Variants in POLRMT observed in about 807,000 individuals in gnomAD.
The protein encoded by POLRMT is DNA-directed RNA polymerase, mitochondrial.
Under a neutral mutation model 132.2 loss-of-function variants are expected in POLRMT, and 114 were observed. The ratio of observed to expected loss-of-function variants is 0.86; its 90% CI spans 0.74 to 1.01. The LOEUF (loss-of-function observed/expected upper bound fraction) is 1.01. Among genes scored for constraint, POLRMT ranks in the 50% least tolerant of loss-of-function variants. The pLI, the probability that POLRMT is intolerant of heterozygous loss-of-function variation, is 0.00. For synonymous variants in POLRMT, 1,020 were observed against 773.4 expected (o/e 1.32, Z -5.29); for missense variants, 2,003 against 1,729.1 (o/e 1.16, Z -2.81).
At chr19:623,630 G>C (rs1984806575) in intron 5 of POLRMT, 27 bp from the exon 6 acceptor site, 3 of 1,607,146 alleles carry the variant, frequency 1.9e-6, no homozygotes, top group Non-Finnish European at 2.6e-6. Flanking sequence ...AGTGAGGTTG[G>C]GGGCTTGCCA....
chr19:624,251 G>A (rs1984854591), intron 5 of POLRMT, among the ~76,000 whole-genome samples: 1 of 152,152 alleles, frequency 6.6e-6, no homozygotes. Context: ...TCTATGGAAT[G>A]TCCAGAGCAG....
intron 2 of POLRMT, among the ~76,000 whole-genome samples, chr19:631,117 C>T (rs1961348314): frequency 6.6e-6 from 1 of 151,750 alleles, no homozygotes; most frequent in Non-Finnish European, 1.5e-5. Context: ...CAAGATAGCG[C>T]CATTGAACTC....
Position 620,920 on chromosome 19 carries a change from GGC to G in POLRMT, c.2640+136_2640+137del. ...GGAGGGGGAGGGGAGGAGGAAGACG[GGC>G]AGGGGGCGCCAGGGGAGGGGGAGGG... On this transcript the variant is annotated intron_variant, in intron 10 of 20. Coordinates refer to ENST00000588649, the MANE Select transcript of POLRMT (RefSeq NM_005035.4). The G allele has an allele frequency of 6.2e-5, 9 of 144,618 alleles. 2 individuals are homozygous for G. Among genetic ancestry groups the G allele is most frequent in the South Asian group, 5.9e-4 (3 of 5,072 alleles). 9.0% of individuals were successfully genotyped at this position (144,618 alleles called of 1,614,324 possible). A position where few individuals can be genotyped will look rare whatever the true frequency, so the allele number is the denominator to read the frequency against.
At chr19:620,823 G>T (rs1317905586) in intron 10 of POLRMT, among the ~76,000 whole-genome samples, 1 of 117,498 alleles carries the variant, frequency 8.5e-6, no homozygotes, top group African/African-American at 3.4e-5. Flanking sequence ...CCTGGGGCAG[G>T]GGAGAAGGGA....
intron 3 of POLRMT, among the ~76,000 whole-genome samples, chr19:626,849 T>C (rs1985052378): frequency 6.7e-6 from 1 of 149,408 alleles, no homozygotes; most frequent in Non-Finnish European, 1.5e-5. Flanking sequence ...GACAGAAACT[T>C]TGCTGTCGAC....
At chr19:619,906 G>A in intron 12 of POLRMT, 52 bp downstream of exon 12, 4 of 1,597,082 alleles carry the variant, frequency 2.5e-6, no homozygotes, top group Middle Eastern at 2.2e-4. Flanking sequence ...GAGACTCAGG[G>A]CTCACATTGC....
chr19:633,189 A>C (rs1374419144), intron 1 of POLRMT: 4 of 603,592 alleles, frequency 6.6e-6, no homozygotes, highest in Non-Finnish European at 8.1e-6. Context: ...TAAGAGCCCT[A>C]AACACCACAC....
Position 617,237 on chromosome 19 carries a change from A to G in POLRMT, c.*37T>C. The stretch of plus-strand genomic sequence containing the variant: ...GACAGTGGCTCCTGGGGGTGGCAAA[A>G]GAGCTTTATTTACACACTGACAAGG... On this transcript the variant is annotated 3_prime_UTR_variant, in exon 21 of 21. Coordinates refer to ENST00000588649, the MANE Select transcript of POLRMT (RefSeq NM_005035.4). The G allele has an allele frequency of 6.2e-7, 1 of 1,610,384 alleles. No individual in the cohort carries two copies. The highest frequency in any genetic ancestry group is 1.3e-5 in the African/African-American group (1 of 74,972).
chr19:619,604 C>T lies in POLRMT; in HGVS notation c.3048G>A (p.Glu1016=), dbSNP rs1984336911. The T allele has an allele frequency of 6.2e-7, 1 of 1,611,088 alleles. No individual in the cohort carries two copies. Among genetic ancestry groups the T allele is most frequent in the African/African-American group, 1.3e-5 (1 of 74,854 alleles). The change falls in exon 13 of 21, where the codon GAG becomes GAA. Residue 1016 remains glutamate, a synonymous_variant. Coordinates refer to ENST00000588649, the MANE Select transcript of POLRMT (RefSeq NM_005035.4). Reference sequence around the variant, plus strand: ...GGCGCACCTGGGGAAAGTCGCTCAGCTCCCGGAGGCGCTTCTCAATCTGCA... The same window carrying T: ...GGCGCACCTGGGGAAAGTCGCTCAGTTCCCGGAGGCGCTTCTCAATCTGCA... ...GRLQIEKRLR[E]LSDFPQEFVW... is the part of the protein sequence containing the mutation.
chr19:627,862 C>T (rs999623853), intron 3 of POLRMT, among the ~76,000 whole-genome samples: 3 of 145,244 alleles, frequency 2.1e-5, no homozygotes, highest in Non-Finnish European at 4.5e-5. Flanking sequence ...GAGGCGGAGG[C>T]TGTAGTGAGC....
chr19:629,921 T>C lies in POLRMT; in HGVS notation c.441A>G (p.Pro147=), dbSNP rs1600592824. 1 of 1,613,644 alleles carries C rather than the reference T, an allele frequency of 6.2e-7. No individual in the cohort carries two copies. Among genetic ancestry groups the C allele is most frequent in the Non-Finnish European group, 8.5e-7 (1 of 1,179,988 alleles). ...GCGCCTTGAACTCCCCGCTCTGGAATGGCATCTGCAGCTTCGCCTTCAACC... is the reference window on the plus strand; with the variant it reads ...GCGCCTTGAACTCCCCGCTCTGGAACGGCATCTGCAGCTTCGCCTTCAACC... ...MQRLKAKLQM[P]FQSGEFKALT... Residue 147 remains proline (P), a synonymous_variant, in exon 3 of 21, where the codon CCA becomes CCG. Coordinates refer to ENST00000588649, the MANE Select transcript of POLRMT (RefSeq NM_005035.4).
chr19:621,383 A>C lies in POLRMT; in HGVS notation c.2315T>G (p.Met772Arg). The change falls in exon 10 of 21, where the codon ATG becomes AGG. Residue 772 changes from methionine (M) to arginine (R), a missense_variant. By Grantham distance (91) the Met-to-Arg change is moderately conservative. Coordinates refer to ENST00000588649, the MANE Select transcript of POLRMT (RefSeq NM_005035.4). ...LAHCQKVARE[M>R]HSLRAEALYR... is the part of the protein sequence containing the mutation. ...CAGCGCCTCCGCCCGCAGGCTGTGC[A>C]TCTCCCGGGCCACCTTCTGGCAGTG... 3 of 1,545,886 alleles carry C rather than the reference A, an allele frequency of 1.9e-6. No homozygotes were observed. The highest frequency in any genetic ancestry group is 2.6e-6 in the Non-Finnish European group (3 of 1,153,796).
intron 3 of POLRMT, among the ~76,000 whole-genome samples, chr19:628,037 C>T (rs1012310261): frequency 7.9e-5 from 12 of 152,082 alleles, no homozygotes; most frequent in Admixed American, 6.6e-4. Context: ...TGGTGGCACA[C>T]GCCTGTAATC....
rs1160723431 is a variant in POLRMT at position 619,997 on chromosome 19, C to G, written c.2847G>C (p.Ser949=). 6.3e-7 allele frequency: 1 copy of G among 1,593,916 alleles called. No individual in the cohort carries two copies. Among genetic ancestry groups the G allele is most frequent in the East Asian group, 2.3e-5 (1 of 44,322 alleles). The change falls in exon 12 of 21, where the codon TCG becomes TCC. Residue 949 remains serine (S), a synonymous_variant. Transcript: ENST00000588649. ...VGAASVNLEP[S]DVPQDVYSGV... Reference sequence around the variant, plus strand: ...CGCTGTACACGTCCTGCGGCACATCCGAGGGCTCCAGGTTGACGGAGGCGG... The same window carrying G: ...CGCTGTACACGTCCTGCGGCACATCGGAGGGCTCCAGGTTGACGGAGGCGG...
chr19:628,071 C>A (rs928104164), intron 3 of POLRMT, among the ~76,000 whole-genome samples: 3 of 152,000 alleles, frequency 2.0e-5, no homozygotes, highest in Non-Finnish European at 4.4e-5. Context: ...AGGCTGAGCT[C>A]GCAGTCCAGC....
chr19:625,422 A>G (rs1984956270), intron 3 of POLRMT, 168 bp from the exon 4 acceptor site: 3 of 855,754 alleles, frequency 3.5e-6, no homozygotes, highest in Non-Finnish European at 5.2e-6. Flanking sequence ...GTTCTGACAC[A>G]CAAGCTCCAC....
At chr19:620,561 G>C in intron 10 of POLRMT, 74 bp from the exon 11 acceptor site, 7 of 1,449,134 alleles carry the variant, frequency 4.8e-6, no homozygotes, top group Non-Finnish European at 6.4e-6. Context: ...TGTGTTGCGG[G>C]GAGGTGGGAA....
chr19:628,502 A>G (rs939449650), intron 3 of POLRMT, among the ~76,000 whole-genome samples: 10 of 152,226 alleles, frequency 6.6e-5, no homozygotes, highest in African/African-American at 2.2e-4. Flanking sequence ...AAAGAAGCAC[A>G]TCAAGTTCTC....
At chr19:621,944 C>T in intron 9 of POLRMT, 98 bp from the exon 10 acceptor site, 1 of 1,414,672 alleles carries the variant, frequency 7.1e-7, no homozygotes, top group South Asian at 1.3e-5. Flanking sequence ...CCCCGGCCAA[C>T]AAGAAACCAG....
Sources: gnomAD v4.1 joint callset for allele counts (sites outside exome capture counted in the v4.1 genomes callset) on GRCh38, gnomAD v4.1.1 for gene constraint, MANE v1.5 for transcripts, NCBI Gene and HGNC (gene_info 2026-07-23, HGNC 2026-07-21) for gene names.